Variants in SLX4IP observed in about 807,000 individuals in gnomAD.
The protein encoded by SLX4IP is protein SLX4IP.
In SLX4IP, 34 loss-of-function variants were observed where a neutral mutation model predicts 32.9. That is an observed-to-expected ratio of 1.03 (90% CI 0.79 to 1.38). The LOEUF (loss-of-function observed/expected upper bound fraction) is 1.38, where lower values mean the gene tolerates loss of function less well. SLX4IP is among the 40% of genes most tolerant of loss of function. The probability of loss-of-function intolerance (pLI) is 0.00; values close to 1 mark genes in which losing one functional copy is unlikely to be tolerated. For missense variants in SLX4IP, 444 were observed against 479.0 expected (o/e 0.93, Z 0.68); for synonymous variants, 172 against 171.7 (o/e 1.00, Z -0.01).
chr20:10,560,381 C>T (rs953664482), intron 3 of SLX4IP, among the ~76,000 whole-genome samples: 7 of 152,194 alleles, frequency 4.6e-5, no homozygotes, highest in African/African-American at 1.4e-4. Context: ...GCATTCTTTA[C>T]CATACTTATT....
At position 10,538,529 on chromosome 20, in the gene SLX4IP, C is replaced by CTT. The variant is rs1293744404; in HGVS notation, c.28-17689_28-17688dup. ...GATTCTTATTGATAAAGCCCTTCAT[C>CTT]TTTTTTTTTTTTTTGAGACAGAGTC... is the stretch of plus-strand genomic sequence containing the variant. On this transcript the variant is annotated intron_variant, in intron 2 of 7. Transcript: ENST00000334534. Among the ~76,000 whole-genome samples, 390 of 143,992 alleles carry CTT rather than the reference C, an allele frequency of 2.7e-3. 1 individual carries two copies. Among genetic ancestry groups the CTT allele is most frequent in the African/African-American group, 9.2e-3 (362 of 39,556 alleles). The allele number at this position is 143,992 out of a possible 152,430, so 94.5% of individuals were successfully genotyped here. A position where few individuals can be genotyped will look rare whatever the true frequency, so the allele number is the denominator to read the frequency against.
intron 2 of SLX4IP, among the ~76,000 whole-genome samples, chr20:10,506,619 G>A (rs1195907362): frequency 6.6e-6 from 1 of 152,180 alleles, no homozygotes; most frequent in Non-Finnish European, 1.5e-5. Flanking sequence ...TTTACCAAGG[G>A]CACTGTTGAG....
intron 2 of SLX4IP, among the ~76,000 whole-genome samples, chr20:10,536,101 A>G (rs1385354058): frequency 6.6e-6 from 1 of 152,254 alleles, no homozygotes; most frequent in Non-Finnish European, 1.5e-5. Flanking sequence ...TACGGTATCT[A>G]TAATTTGCAA....
At chr20:10,580,577 C>G (rs150006339) in intron 4 of SLX4IP, among the ~76,000 whole-genome samples, 92 of 149,728 alleles carry the variant, frequency 6.1e-4, no homozygotes, top group Admixed American at 2.3e-3. Context: ...ACCATCCTAC[C>G]TTTAACTCCT....
At chr20:10,436,647 G>A (rs764310655) in intron 1 of SLX4IP, among the ~76,000 whole-genome samples, 3 of 152,126 alleles carry the variant, frequency 2.0e-5, no homozygotes, top group Non-Finnish European at 2.9e-5. Context: ...GAGACATCAC[G>A]CCCGGCCTGG....
At chr20:10,441,206 C>T (rs1418947122) in intron 1 of SLX4IP, among the ~76,000 whole-genome samples, 1 of 152,032 alleles carries the variant, frequency 6.6e-6, no homozygotes, top group Non-Finnish European at 1.5e-5. Flanking sequence ...GAGTCTGAGG[C>T]GAGTGGAGTG....
chr20:10,522,093 C>T (rs1009853727), intron 2 of SLX4IP, among the ~76,000 whole-genome samples: 3 of 152,154 alleles, frequency 2.0e-5, no homozygotes, highest in African/African-American at 7.2e-5. Flanking sequence ...CACCCCCCTT[C>T]AAGAGATTTG....
At chr20:10,543,425 C>T (rs6040019) in intron 2 of SLX4IP, among the ~76,000 whole-genome samples, 6 of 152,276 alleles carry the variant, frequency 3.9e-5, no homozygotes, top group African/African-American at 1.4e-4. Flanking sequence ...GTCTAGGCTA[C>T]AGCAAAAAGA....
In SLX4IP at chr20:10,623,545, T is replaced by G; in HGVS notation, c.*166T>G. On this transcript the variant is annotated 3_prime_UTR_variant, in exon 8 of 8. Transcript: ENST00000334534. ...GGCTATGGTTTGTTTTCAAAGCATT[T>G]CAAACCGGGAGGCTATATGCTTGTT... is the stretch of plus-strand genomic sequence containing the variant. 1 of 1,030,558 alleles carries G rather than the reference T, an allele frequency of 9.7e-7. No individual in the cohort carries two copies. The highest frequency in any genetic ancestry group is 1.4e-6 in the Non-Finnish European group (1 of 734,246). 63.8% of individuals were successfully genotyped at this position (1,030,558 alleles called of 1,614,324 possible).
intron 2 of SLX4IP, among the ~76,000 whole-genome samples, chr20:10,482,128 G>A (rs1412142757): frequency 1.3e-5 from 2 of 152,228 alleles, no homozygotes; most frequent in Non-Finnish European, 2.9e-5. Context: ...ATCAGTGGGG[G>A]CCACTTAGAA....
intron 6 of SLX4IP, among the ~76,000 whole-genome samples, chr20:10,608,812 A>G (rs1202823088): frequency 6.6e-6 from 1 of 152,100 alleles, no homozygotes; most frequent in Non-Finnish European, 1.5e-5. Flanking sequence ...ACTGCTGTAC[A>G]ATCTTCTCCT....
At chr20:10,502,807 T>C (rs2065730749) in intron 2 of SLX4IP, among the ~76,000 whole-genome samples, 1 of 152,146 alleles carries the variant, frequency 6.6e-6, no homozygotes, top group Non-Finnish European at 1.5e-5. Flanking sequence ...TCTATTCTAA[T>C]GCAAGCTTCA....
Position 10,556,321 on chromosome 20 carries a change from G to A in SLX4IP, c.117+1G>A, listed in dbSNP as rs1348969926. ...CTGGTTTTCTGAACAGAAGAAAGAG[G>A]TACAACAAAACTTTCTACTATTTAA... is the stretch of plus-strand genomic sequence containing the variant. On this transcript the variant is annotated splice_donor_variant, in intron 3 of 7. Transcript: ENST00000334534. LOFTEE classifies it high-confidence loss of function. 5 of 1,611,772 alleles carry A rather than the reference G, an allele frequency of 3.1e-6. No homozygotes were observed. The Admixed American group carries it at 6.7e-5, about 22-fold the overall frequency.
At chr20:10,500,174 G>C (rs1453470176) in intron 2 of SLX4IP, among the ~76,000 whole-genome samples, 1 of 103,556 alleles carries the variant, frequency 9.7e-6, no homozygotes, top group Non-Finnish European at 1.7e-5. Context: ...TCACTCTGTT[G>C]CCCAGGCTGG....
intron 2 of SLX4IP, among the ~76,000 whole-genome samples, chr20:10,495,324 G>C (rs1441582010): frequency 1.3e-5 from 2 of 151,978 alleles, no homozygotes; most frequent in Non-Finnish European, 2.9e-5. Flanking sequence ...TCTATTGTCA[G>C]TTTCTAATTT....
chr20:10,544,385 A>G (rs375122872), intron 2 of SLX4IP, among the ~76,000 whole-genome samples: 3 of 152,126 alleles, frequency 2.0e-5, no homozygotes, highest in South Asian at 2.1e-4. Flanking sequence ...TCACCTCTGG[A>G]GAATGTTTGT....
rs148168549 is a variant in SLX4IP, at chr20:10,530,006, C to G, written c.28-26225C>G. On this transcript the variant is annotated intron_variant, in intron 2 of 7. Transcript: ENST00000334534. The stretch of plus-strand genomic sequence containing the variant: ...AGATTCTAGTTCTCTCTGTTGAAGT[C>G]TCAACTGCCGAGCCAGCACTCAGAC... Among the ~76,000 whole-genome samples the G allele has an allele frequency of 2.7e-3, 409 of 152,314 alleles. 1 individual carries two copies. Among genetic ancestry groups the G allele is most frequent in the African/African-American group, 9.3e-3 (387 of 41,550 alleles).
chr20:10,531,755 CA>C (rs2065991082), intron 2 of SLX4IP, among the ~76,000 whole-genome samples: 1 of 152,248 alleles, frequency 6.6e-6, no homozygotes, highest in Non-Finnish European at 1.5e-5. Flanking sequence ...CTTGAACTTT[CA>C]AGGTGAACTC....
chr20:10,471,599 TG>T (rs1387083803), intron 2 of SLX4IP, among the ~76,000 whole-genome samples: 2 of 152,198 alleles, frequency 1.3e-5, no homozygotes, highest in Non-Finnish European at 2.9e-5. Context: ...AAGTTAGGGT[TG>T]TTAGATTTTA....
Sources: gnomAD v4.1 joint callset for allele counts (sites outside exome capture counted in the v4.1 genomes callset) on GRCh38, gnomAD v4.1.1 for gene constraint, MANE v1.5 for transcripts, NCBI Gene and HGNC (gene_info 2026-07-23, HGNC 2026-07-21) for gene names.